TEP1: variants seen among roughly 807,000 people sequenced by gnomAD.
TEP1 encodes telomerase protein component 1.
A neutral mutation model predicts 306.3 loss-of-function variants in TEP1; 241 were observed. The ratio of observed to expected loss-of-function variants is 0.79; its 90% CI spans 0.71 to 0.88. The LOEUF (loss-of-function observed/expected upper bound fraction) is 0.88, where lower values mean the gene tolerates loss of function less well. TEP1 is among the 40% of genes least tolerant of loss of function. TEP1 has a pLI of 0.00. For synonymous variants in TEP1, 1,289 were observed against 1,305.5 expected (o/e 0.99, Z 0.27); for missense variants, 3,051 against 3,276.1 (o/e 0.93, Z 1.68).
At chr14:20,403,985 C>T (rs965783449) in intron 5 of TEP1, 101 bp from the exon 6 acceptor site, 27 of 1,484,394 alleles carry the variant, frequency 1.8e-5, no homozygotes, top group African/African-American at 8.3e-5. Flanking sequence ...CACAGAGTAG[C>T]GAGCAAGTTC....
chr14:20,379,181 CA>C lies in TEP1; in HGVS notation c.5128-77del, dbSNP rs1885384861. The C allele has an allele frequency of 2.6e-6, 4 of 1,556,708 alleles. No individual in the cohort carries two copies. In the East Asian group the frequency reaches 9.0e-5, roughly 35 times the overall value. On this transcript the variant is annotated intron_variant, in intron 35 of 54. Transcript: ENST00000262715. ...AAGTCCCACCACTCCAGGCCCCACCCAAAAAGAAGGCCAAGGCACAAAGGCC... is the reference window on the plus strand; with the variant it reads ...AAGTCCCACCACTCCAGGCCCCACCCAAAAGAAGGCCAAGGCACAAAGGCC...
Position 20,375,825 on chromosome 14 carries a change from A to G in TEP1, c.6293T>C (p.Leu2098Ser). ...WDVRTPKTPV[L>S]IHSFPACHRD... ...GTGACAGGCAGGGAAGGAGTGGATC[A>G]AAACAGGGGTTTTGGGTGTCCTCAC... Residue 2098 changes from leucine (L) to serine (S), a missense_variant, in exon 43 of 55, where the codon TTG (leucine) becomes TCG (serine). Transcript: ENST00000262715. 6.2e-7 allele frequency: 1 copy of G among 1,613,728 alleles called. No homozygotes were observed.
chr14:20,387,653 G>A (rs936313505), intron 18 of TEP1, among the ~76,000 whole-genome samples: 175 of 152,054 alleles, frequency 1.2e-3, no homozygotes, highest in Non-Finnish European at 2.9e-4. Flanking sequence ...CTCTGCCTAC[G>A]CCCTGGCCAT....
rs1050574524 is a variant in TEP1 at position 20,373,917 on chromosome 14, A to G, written c.6472-107T>C. The G allele has an allele frequency of 6.9e-6, 10 of 1,441,726 alleles. No individual in the cohort carries two copies. In the East Asian group the frequency reaches 9.2e-5, roughly 13 times the overall value. The allele number at this position is 1,441,726 out of a possible 1,614,324, so 89.3% of individuals were successfully genotyped here. A position where few individuals can be genotyped will look rare whatever the true frequency, so the allele number is the denominator to read the frequency against. ...AGCATTAGGAGCATGGAAGATGTCAATGAGGGAGGAGAACTCAGGAACAGT... is the reference window on the plus strand; with the variant it reads ...AGCATTAGGAGCATGGAAGATGTCAGTGAGGGAGGAGAACTCAGGAACAGT... On this transcript the variant is annotated intron_variant, in intron 44 of 54. Transcript: ENST00000262715.
rs76466486 is a variant in TEP1, at chr14:20,396,622, G to T, written c.1658C>A (p.Ala553Glu). 2.4e-4 allele frequency: 378 copies of T among 1,604,522 alleles called. 1 individual carries two copies. In the African/African-American group the frequency reaches 4.5e-3, roughly 19 times the overall value. The change falls in exon 10 of 55, where the codon GCG becomes GAG. Residue 553 changes from alanine (A) to glutamate (E), a missense_variant and splice_region_variant. Around this residue, in one of 3 missense-constraint regions of TEP1, gnomAD observed 1,507 missense variants for 1,550.5 expected, o/e 0.97. Transcript: ENST00000262715. Reference sequence around the variant, plus strand: ...TGGCTACCAGCCCCTCACACATACCGCATGCTGGAGTCTCTGGAGAATGAG... The same window carrying T: ...TGGCTACCAGCCCCTCACACATACCTCATGCTGGAGTCTCTGGAGAATGAG... Reference protein sequence around the residue: ...HELILQRLQHAKSVIHSRQFP... With the variant: ...HELILQRLQHEKSVIHSRQFP...
rs776064562 is a variant in TEP1, at chr14:20,381,302, T to C, written c.4647+11A>G. 9.3e-6 allele frequency: 15 copies of C among 1,613,842 alleles called. No homozygotes were observed. Among genetic ancestry groups the C allele is most frequent in the Non-Finnish European group, 1.2e-5 (14 of 1,179,866 alleles). On this transcript the variant is annotated intron_variant, in intron 32 of 54. Transcript: ENST00000262715. This position sits in a 1 kb window ranked among gnomAD's most constrained non-coding sequence, Gnocchi z 4.0. ...CTTTGGGAAAGGTGTCTATGGGGTC[T>C]AGGAACTAACCAGGTGGTAAGGCAG...
Position 20,368,789 on chromosome 14 carries a change from C to CACACACACAT in TEP1, c.7761+8_7761+9insATGTGTGTGT. The CACACACACAT allele has an allele frequency of 6.2e-7, 1 of 1,608,566 alleles. No individual in the cohort carries two copies. The highest frequency in any genetic ancestry group is 8.5e-7 in the Non-Finnish European group (1 of 1,175,510). On this transcript the variant is annotated intron_variant, in intron 54 of 54. Transcript: ENST00000262715. ...GCACACACACACACACACACACACA[C>CACACACACAT]ACACTTACCAGCTGCATACTGGGTC...
At chr14:20,382,477 T>C (rs1876661842) in intron 28 of TEP1, 121 bp from the exon 29 acceptor site, 1 of 1,529,660 alleles carries the variant, frequency 6.5e-7, no homozygotes, top group Non-Finnish European at 8.9e-7. Flanking sequence ...AGAACAACAG[T>C]AGGAGGGAAG....
rs1181974816 is a variant in TEP1, at chr14:20,373,732, G to A, written c.6550C>T (p.Pro2184Ser). 6.2e-7 allele frequency: 1 copy of A among 1,614,186 alleles called. No individual in the cohort carries two copies. Among genetic ancestry groups the A allele is most frequent in the Admixed American group, 1.7e-5 (1 of 60,028 alleles). The change falls in exon 45 of 55, where the codon CCT (proline) becomes TCT (serine). Residue 2184 changes from proline (P) to serine (S), a missense_variant. By Grantham distance (74) the Pro-to-Ser change is moderately conservative (BLOSUM62 -1). Around this residue, in one of 3 missense-constraint regions of TEP1, gnomAD observed 1,540 missense variants for 1,705.9 expected, o/e 0.90. Transcript: ENST00000262715. ...DHQGVELTSI[P>S]AHSGPISHCA... Reference sequence around the variant, plus strand: ...TGGCTAATGGGTCCTGAGTGAGCAGGGATGCTGGTCAGCTCCACGCCTTGA... The same window carrying A: ...TGGCTAATGGGTCCTGAGTGAGCAGAGATGCTGGTCAGCTCCACGCCTTGA...
At chr14:20,382,737 G>T in intron 27 of TEP1, 22 bp from the exon 28 acceptor site, 1 of 1,612,966 alleles carries the variant, frequency 6.2e-7, no homozygotes, top group Admixed American at 1.7e-5. Context: ...CAGGACTCAG[G>T]GTGGGGTCCA....
Position 20,378,097 on chromosome 14 carries a change from T to C in TEP1, c.5648A>G (p.His1883Arg). Residue 1883 changes from histidine to arginine, a missense_variant, in exon 39 of 55, where the codon CAC (histidine) becomes CGC (arginine). By Grantham distance (29) the His-to-Arg change is conservative (BLOSUM62 0). Transcript: ENST00000262715. The stretch of plus-strand genomic sequence containing the variant: ...AAGCGCAGCAGCAACAAAGCCATGG[T>C]GGGCAGGGAAGGCAGCCAGCCGTGC... ...EGARLAAFPAHHGFVAAALFL... is the reference protein window; with the variant it reads ...EGARLAAFPARHGFVAAALFL... 1.9e-6 allele frequency: 3 copies of C among 1,613,824 alleles called. No homozygotes were observed. Among genetic ancestry groups the C allele is most frequent in the Non-Finnish European group, 2.5e-6 (3 of 1,180,014 alleles).
In TEP1 at chr14:20,386,485, G is replaced by T. The variant is rs541791972; in HGVS notation, c.2823C>A (p.Leu941=). The T allele has an allele frequency of 3.1e-6, 5 of 1,611,816 alleles. No homozygotes were observed. The highest frequency in any genetic ancestry group is 4.2e-6 in the Non-Finnish European group (5 of 1,178,968). ...PHRISLHGID[L]RWGVTEEETR... ...TCTCCTCCTCAGTGACGCCCCAGCGGAGGTCGATTCCGTGAAGGCTGATAC... is the reference window on the plus strand; with the variant it reads ...TCTCCTCCTCAGTGACGCCCCAGCGTAGGTCGATTCCGTGAAGGCTGATAC... The change falls in exon 19 of 55, where the codon CTC becomes CTA. Residue 941 remains leucine (L), a synonymous_variant. Coordinates refer to ENST00000262715, the MANE Select transcript of TEP1 (RefSeq NM_007110.5).
Position 20,386,727 on chromosome 14 carries a change from G to A in TEP1, c.2685-104C>T, listed in dbSNP as rs76513246. The A allele has an allele frequency of 1.8e-3, 2,354 of 1,274,436 alleles. 39 individuals are homozygous for A. The African/African-American group carries it at 0.031, about 17-fold the overall frequency. The allele number at this position is 1,274,436 out of a possible 1,614,324, so 78.9% of individuals were successfully genotyped here. ...TTAGCACTGAGCACAAGCCAGGTACGACAGACAGCAGATGGGTGCCCAGCA... is the reference window on the plus strand; with the variant it reads ...TTAGCACTGAGCACAAGCCAGGTACAACAGACAGCAGATGGGTGCCCAGCA... On this transcript the variant is annotated intron_variant, in intron 18 of 54. Coordinates refer to ENST00000262715, the MANE Select transcript of TEP1 (RefSeq NM_007110.5).
At chr14:20,387,551 C>CAAAAAAAAAAAAAAAAAAAAAAAA (rs34816712) in intron 18 of TEP1, among the ~76,000 whole-genome samples, 15 of 127,700 alleles carry the variant, frequency 1.2e-4, no homozygotes, top group Non-Finnish European at 1.7e-4. Flanking sequence ...GACTCCGTCT[C>CAAAAAAAAAAAAAAAAAAAAAAAA]AAAAAAAAAA....
chr14:20,380,576 A>G, intron 33 of TEP1, 101 bp from the exon 34 acceptor site: 1 of 1,453,522 alleles, frequency 6.9e-7, no homozygotes, highest in Non-Finnish European at 9.1e-7. Flanking sequence ...TAAGTCTCAA[A>G]GTGTGGCCCT....
intron 45 of TEP1, 22 bp from the exon 46 acceptor site, chr14:20,373,605 G>A (rs542221929): frequency 6.2e-7 from 1 of 1,614,214 alleles, no homozygotes; most frequent in African/African-American, 1.3e-5. Context: ...CAGAGACTGA[G>A]TCAGAAGAAG....
intron 11 of TEP1, 114 bp from the exon 12 acceptor site, chr14:20,395,741 C>A: frequency 8.1e-6 from 12 of 1,488,342 alleles, no homozygotes; most frequent in South Asian, 1.3e-5. Context: ...CTGACCTCTG[C>A]CCCCCACCCC....
intron 35 of TEP1, 107 bp from the exon 36 acceptor site, chr14:20,379,212 G>A: frequency 7.1e-7 from 1 of 1,414,174 alleles, no homozygotes; most frequent in Non-Finnish European, 9.6e-7. Flanking sequence ...AAGGCCATGA[G>A]TCCTTGGCTC....
chr14:20,403,942 A>G, intron 5 of TEP1, 58 bp from the exon 6 acceptor site: 1 of 1,608,934 alleles, frequency 6.2e-7, no homozygotes, highest in Non-Finnish European at 8.5e-7. Flanking sequence ...CCTCCAAAAC[A>G]AAACGAGATC....
Sources: gnomAD v4.1 joint callset for allele counts (sites outside exome capture counted in the v4.1 genomes callset) on GRCh38, gnomAD v4.1.1 for gene constraint, gnomAD v4.1.1 regional missense constraint, Gnocchi (gnomAD v3.1) non-coding constraint, MANE v1.5 for transcripts, NCBI Gene and HGNC (gene_info 2026-07-23, HGNC 2026-07-21) for gene names.